Variants in ASTN1 observed in about 807,000 individuals in gnomAD.
ASTN1 encodes the protein astrotactin-1.
Under a neutral mutation model 140.7 loss-of-function variants are expected in ASTN1, and 41 were observed. The observed-to-expected ratio is 0.29, with a 90% CI of 0.23 to 0.38. The LOEUF is 0.38. Ranked by LOEUF, ASTN1 falls within the 10% of genes least tolerant of loss-of-function variation. The pLI is 1.00. For missense variants in ASTN1, 1,479 were observed against 1,678.8 expected (o/e 0.88, Z 2.08); for synonymous variants, 640 against 652.2 (o/e 0.98, Z 0.29).
intron 21 of ASTN1, among the ~76,000 whole-genome samples, chr1:176,872,223 T>C (rs539636165): frequency 2.0e-5 from 3 of 151,216 alleles, no homozygotes; most frequent in East Asian, 3.9e-4. Flanking sequence ...AAAAGCACAA[T>C]GTTTGGACAT....
chr1:176,890,824 G>A (rs146606342), intron 17 of ASTN1, among the ~76,000 whole-genome samples: 113 of 152,148 alleles, frequency 7.4e-4, no homozygotes, highest in South Asian at 2.1e-3. Flanking sequence ...TCAGAAGTTC[G>A]AGACCAGCCT....
At chr1:176,984,756 C>T (rs185475334) in intron 8 of ASTN1, among the ~76,000 whole-genome samples, 39 of 152,292 alleles carry the variant, frequency 2.6e-4, no homozygotes, top group Non-Finnish European at 2.9e-4. Flanking sequence ...CAAAACAGGG[C>T]AAGCATAACT....
At chr1:177,092,683 A>C (rs1679816074) in intron 1 of ASTN1, among the ~76,000 whole-genome samples, 1 of 152,174 alleles carries the variant, frequency 6.6e-6, no homozygotes, top group African/African-American at 2.4e-5. Context: ...GGTATATGGC[A>C]TGGGGTAAAG....
chr1:176,941,964 C>A (rs779163970), intron 14 of ASTN1, among the ~76,000 whole-genome samples: 4 of 152,096 alleles, frequency 2.6e-5, no homozygotes, highest in Non-Finnish European at 4.4e-5. Context: ...AAGTTAATTT[C>A]TTCAGGTGTG....
At chr1:177,052,821 G>A (rs1677606600) in intron 2 of ASTN1, among the ~76,000 whole-genome samples, 1 of 152,166 alleles carries the variant, frequency 6.6e-6, no homozygotes, top group Non-Finnish European at 1.5e-5. Flanking sequence ...CCATAACCTG[G>A]AAAATTGGAG....
chr1:176,934,034 T>C (rs1249546737), intron 16 of ASTN1, 118 bp downstream of exon 16: 3 of 1,105,634 alleles, frequency 2.7e-6, no homozygotes, highest in Non-Finnish European at 3.7e-6. Flanking sequence ...CACAGAGCAT[T>C]AGGGGAAAAT....
At chr1:176,878,866 A>G (rs1226666844) in intron 20 of ASTN1, among the ~76,000 whole-genome samples, 1 of 152,152 alleles carries the variant, frequency 6.6e-6, no homozygotes, top group Non-Finnish European at 1.5e-5. Flanking sequence ...CAGGATTAAC[A>G]ATGTCATACA....
At chr1:176,935,029 C>A (rs1671377906) in intron 15 of ASTN1, among the ~76,000 whole-genome samples, 1 of 152,182 alleles carries the variant, frequency 6.6e-6, no homozygotes, top group South Asian at 2.1e-4. Context: ...CTCCTCTCCC[C>A]CAACCCTGCA....
chr1:176,969,633 G>T (rs1673048751), intron 8 of ASTN1, among the ~76,000 whole-genome samples: 1 of 152,146 alleles, frequency 6.6e-6, no homozygotes, highest in African/African-American at 2.4e-5. Context: ...TTGTGGAAAG[G>T]GCACTAGGCC....
intron 14 of ASTN1, among the ~76,000 whole-genome samples, chr1:176,942,247 A>G (rs995129814): frequency 6.6e-6 from 1 of 152,170 alleles, no homozygotes; most frequent in Non-Finnish European, 1.5e-5. Flanking sequence ...CCTATGAGGA[A>G]GATAGTATTA....
At chr1:177,072,215 T>C (rs1481511151) in intron 1 of ASTN1, among the ~76,000 whole-genome samples, 1 of 152,198 alleles carries the variant, frequency 6.6e-6, no homozygotes, top group Non-Finnish European at 1.5e-5. Context: ...TATACATCAA[T>C]AGTAAACACT....
rs146612496 is a variant in ASTN1 at position 176,942,158 on chromosome 1, A to G, written c.2377+1733T>C. Among the ~76,000 whole-genome samples, 656 of 152,276 alleles carry G rather than the reference A, an allele frequency of 4.3e-3. 2 individuals carry two copies. The highest frequency in any genetic ancestry group is 5.8e-3 in the Non-Finnish European group (396 of 68,020). ...TTTCTTTTAAATATTTATTTATTCA[A>G]CACACATAGATCCCACTATGGGTCA... On this transcript the variant is annotated intron_variant, in intron 14 of 22. Coordinates refer to ENST00000361833, the MANE Select transcript of ASTN1 (RefSeq NM_004319.3).
intron 2 of ASTN1, among the ~76,000 whole-genome samples, chr1:177,048,881 C>A (rs1677385305): frequency 6.6e-6 from 1 of 152,154 alleles, no homozygotes; most frequent in South Asian, 2.1e-4. Context: ...CCCCACTGGG[C>A]CATGTGAAGG....
In ASTN1 at chr1:177,164,681, A is replaced by AGATG; in HGVS notation, c.-6_-5insCATC. ...GCAGAGCCCGGCTAAAGCCATCTTG[A>AGATG]GCCCCGGCCGCCTTCCTCCTAGCGC... On this transcript the variant is annotated 5_prime_UTR_variant, in exon 1 of 23. Transcript: ENST00000361833. The AGATG allele has an allele frequency of 6.4e-7, 1 of 1,552,174 alleles. No individual in the cohort carries two copies. The highest frequency in any genetic ancestry group is 8.7e-7 in the Non-Finnish European group (1 of 1,150,938).
intron 2 of ASTN1, among the ~76,000 whole-genome samples, chr1:177,036,545 T>C (rs1325808564): frequency 2.0e-5 from 3 of 152,208 alleles, no homozygotes; most frequent in Non-Finnish European, 4.4e-5. Flanking sequence ...AATAATAATA[T>C]ACTGTAATGT....
rs920616912 is a variant in ASTN1 at position 176,886,037 on chromosome 1, GA to G, written c.3075-1548del. 2.2e-4 allele frequency among the ~76,000 whole-genome samples: 33 copies of G among 149,402 alleles called. 2 individuals are homozygous for G. In the East Asian group the frequency reaches 4.7e-3, roughly 21 times the overall value. On this transcript the variant is annotated intron_variant, in intron 18 of 22. Coordinates refer to ENST00000361833, the MANE Select transcript of ASTN1 (RefSeq NM_004319.3). ...AGAGTCATATGCAGAGTGCTGTTTT[GA>G]AAAAAAAAGCATTAGGAACGTTAAA... is the stretch of plus-strand genomic sequence containing the variant.
intron 1 of ASTN1, among the ~76,000 whole-genome samples, chr1:177,152,431 A>G (rs1256104562): frequency 1.3e-5 from 2 of 152,140 alleles, no homozygotes; most frequent in Non-Finnish European, 2.9e-5. Flanking sequence ...ATCCTTTGGA[A>G]AATAAATAAA....
intron 9 of ASTN1, among the ~76,000 whole-genome samples, chr1:176,963,306 C>T (rs1400331827): frequency 6.6e-6 from 1 of 152,204 alleles, no homozygotes; most frequent in Non-Finnish European, 1.5e-5. Context: ...TAGCCAATTA[C>T]AGTCATTGAC....
chr1:177,121,030 T>C lies in ASTN1; in HGVS notation c.283+43364A>G, dbSNP rs145256083. On this transcript the variant is annotated intron_variant, in intron 1 of 22. Coordinates refer to ENST00000361833, the MANE Select transcript of ASTN1 (RefSeq NM_004319.3). ...TCAGATCTGCGAATTAAAAGCACCATAGGCAAGCTTTTGTTTGCATTTTGT... is the reference window on the plus strand; with the variant it reads ...TCAGATCTGCGAATTAAAAGCACCACAGGCAAGCTTTTGTTTGCATTTTGT... Among the ~76,000 whole-genome samples the C allele has an allele frequency of 4.9e-4, 75 of 152,292 alleles. 1 individual carries two copies. The East Asian group carries it at 0.013, about 27-fold the overall frequency.
Sources: allele counts gnomAD v4.1 joint callset (sites outside exome capture counted in the v4.1 genomes callset), GRCh38; gene constraint gnomAD v4.1.1; transcripts MANE v1.5; gene names NCBI Gene and HGNC (gene_info 2026-07-23, HGNC 2026-07-21).